ARFGEF3: variants seen among roughly 807,000 people sequenced by gnomAD.
ARFGEF3 encodes the protein brefeldin A-inhibited guanine nucleotide-exchange protein 3.
Under a neutral mutation model 221.7 loss-of-function variants are expected in ARFGEF3, and 96 were observed. The ratio of observed to expected loss-of-function variants is 0.43; its 90% confidence interval spans 0.37 to 0.51. The LOEUF (loss-of-function observed/expected upper bound fraction) is 0.51. Among genes scored for constraint, ARFGEF3 ranks in the 20% least tolerant of loss-of-function variants. The pLI, the probability that ARFGEF3 is intolerant of heterozygous loss-of-function variation, is 0.00. For missense variants in ARFGEF3, 2,410 were observed against 2,789.9 expected, an observed-to-expected ratio of 0.86 and a Z score of 3.07; for synonymous variants, 1,145 against 1,126.8, an observed-to-expected ratio of 1.02 and a Z score of -0.32.
intron 4 of ARFGEF3, chr6:138,216,495 GA>G (rs1354577815): frequency 6.6e-6 from 1 of 152,196 alleles, no homozygotes; most frequent in African/African-American, 2.4e-5. Context: ...GACAAAGGAA[GA>G]AAGACTGTTT....
intron 2 of ARFGEF3, among the ~76,000 whole-genome samples, chr6:138,191,519 T>A (rs1263007300): frequency 1.3e-5 from 2 of 152,082 alleles, no homozygotes; most frequent in Non-Finnish European, 2.9e-5. Context: ...TCGCTGGCTG[T>A]GGGGGTTTCT....
chr6:138,166,754 A>G (rs1776731178), intron 1 of ARFGEF3, among the ~76,000 whole-genome samples: 1 of 152,180 alleles, frequency 6.6e-6, no homozygotes, highest in South Asian at 2.1e-4. Flanking sequence ...TTTTATATCT[A>G]TCAGGGGCCT....
At chr6:138,214,583 T>G (rs895895030) in intron 4 of ARFGEF3, among the ~76,000 whole-genome samples, 1 of 152,232 alleles carries the variant, frequency 6.6e-6, no homozygotes, top group Non-Finnish European at 1.5e-5. Context: ...CATATTGGTA[T>G]CTGTTAGTGC....
At position 138,268,598 on chromosome 6, in the gene ARFGEF3, A is replaced by G. The variant is rs78338105; in HGVS notation, c.2128+4987A>G. ...CGGGCAAATAAAGTACGTTTTTTAT[A>G]AAGACAGTGCTTGACATGAGCTGCG... On this transcript the variant is annotated intron_variant, in intron 12 of 33. Transcript: ENST00000251691. Among the ~76,000 whole-genome samples, 1,274 of 152,298 alleles carry G rather than the reference A, an allele frequency of 8.4e-3. 25 individuals carry two copies. The highest frequency in any genetic ancestry group is 0.046 in the East Asian group (240 of 5,184).
intron 31 of ARFGEF3, 29 bp from the exon 32 acceptor site, chr6:138,327,992 C>A: frequency 6.5e-7 from 1 of 1,546,298 alleles, no homozygotes; most frequent in South Asian, 1.2e-5. Flanking sequence ...CACTGGAGTT[C>A]TGAAATGTAC....
At position 138,294,003 on chromosome 6, in the gene ARFGEF3, G is replaced by T. The variant is rs756826461; in HGVS notation, c.3379G>T (p.Asp1127Tyr). The T allele has an allele frequency of 6.2e-7, 1 of 1,613,408 alleles. No homozygotes were observed. The highest frequency in any genetic ancestry group is 8.5e-7 in the Non-Finnish European group (1 of 1,179,794). The change falls in exon 20 of 34, where the codon GAT becomes TAT. Residue 1127 changes from aspartate to tyrosine, a missense_variant. By Grantham distance (160) the Asp-to-Tyr change is radical. This residue lies in a region of ARFGEF3 where 184 missense variants were observed against 141.8 expected (regional missense o/e 1.30). Coordinates refer to ENST00000251691, the MANE Select transcript of ARFGEF3 (RefSeq NM_020340.5). ...TCTGTTTGCATCCAGGCTCTTTGAA[G>T]ATGCTACGGATAAGTTGAACCTCAT... ...LSTQADRLFEDATDKLNLMAL... is the reference protein window; with the variant it reads ...LSTQADRLFEYATDKLNLMAL...
At chr6:138,305,743 T>A (rs1779711784) in intron 22 of ARFGEF3, among the ~76,000 whole-genome samples, 1 of 152,024 alleles carries the variant, frequency 6.6e-6, no homozygotes, top group African/African-American at 2.4e-5. Context: ...ATTAGTAGAC[T>A]AAAAGATTAA....
chr6:138,233,697 A>G (rs1447607927), intron 5 of ARFGEF3, among the ~76,000 whole-genome samples: 1 of 152,178 alleles, frequency 6.6e-6, no homozygotes, highest in East Asian at 1.9e-4. Flanking sequence ...TTACTCTGAT[A>G]TGATAGCATT....
At chr6:138,322,925 A>G (rs976357386) in intron 29 of ARFGEF3, among the ~76,000 whole-genome samples, 3 of 151,906 alleles carry the variant, frequency 2.0e-5, no homozygotes, top group African/African-American at 7.3e-5. Flanking sequence ...GTGACAGTGA[A>G]GCAAGGACCT....
chr6:138,162,014 C>A lies in ARFGEF3; in HGVS notation c.-73C>A. 2.7e-6 allele frequency: 3 copies of A among 1,115,304 alleles called. No individual in the cohort carries two copies. The highest frequency in any genetic ancestry group is 3.7e-6 in the Non-Finnish European group (3 of 807,552). 69.1% of individuals were successfully genotyped at this position (1,115,304 alleles called of 1,614,324 possible). On this transcript the variant is annotated 5_prime_UTR_variant, in exon 1 of 34. Coordinates refer to ENST00000251691, the MANE Select transcript of ARFGEF3 (RefSeq NM_020340.5). The surrounding 1 kb of genome is among the most constrained non-coding windows in gnomAD (Gnocchi z 4.7). ...CGCCTAGGCGCCCAGGGCCAGGCAG[C>A]GGCGGCTTCCCCGGCCCGGCTCGCC...
At chr6:138,313,999 A>G (rs951419875) in intron 26 of ARFGEF3, 60 bp downstream of exon 26, 16 of 1,559,008 alleles carry the variant, frequency 1.0e-5, no homozygotes, top group Non-Finnish European at 1.3e-5. Context: ...CCAGAAGCTT[A>G]AGTCATAAAT....
intron 23 of ARFGEF3, 82 bp downstream of exon 23, chr6:138,307,479 C>A: frequency 2.8e-5 from 34 of 1,234,028 alleles, no homozygotes; most frequent in Non-Finnish European, 3.6e-5. Flanking sequence ...AAAAATTGAA[C>A]AATAGGGAAG....
chr6:138,323,884 C>A, intron 30 of ARFGEF3, 111 bp downstream of exon 30: 1 of 1,539,718 alleles, frequency 6.5e-7, no homozygotes, highest in Non-Finnish European at 8.9e-7. Flanking sequence ...GGCAGTCTCA[C>A]TTTAGATCTT....
In ARFGEF3 at chr6:138,279,991, C is replaced by A. The variant is rs201081476; in HGVS notation, c.2296-8C>A. ...ATGTGGTCACCTTCTCATGCGATCT[C>A]TCTGTAGAAGGACTTCATGAAGCAG... On this transcript the variant is annotated splice_polypyrimidine_tract_variant and splice_region_variant and intron_variant, in intron 13 of 33. Transcript: ENST00000251691. 5 of 1,613,682 alleles carry A rather than the reference C, an allele frequency of 3.1e-6. No homozygotes were observed. Among genetic ancestry groups the A allele is most frequent in the Non-Finnish European group, 4.2e-6 (5 of 1,179,822 alleles).
chr6:138,307,228 G>A (rs1215691413), intron 22 of ARFGEF3, 25 bp from the exon 23 acceptor site: 5 of 1,610,420 alleles, frequency 3.1e-6, no homozygotes, highest in Non-Finnish European at 4.2e-6. Flanking sequence ...AGGGCTTTAA[G>A]TGCCACTTGC....
intron 4 of ARFGEF3, among the ~76,000 whole-genome samples, chr6:138,213,307 T>A (rs1355170808): frequency 2.8e-5 from 4 of 145,238 alleles, no homozygotes; most frequent in East Asian, 4.0e-4. Flanking sequence ...AAAAAAAAAA[T>A]TTAGCAGGGC....
chr6:138,275,514 G>T (rs962344088), intron 12 of ARFGEF3, among the ~76,000 whole-genome samples: 6 of 152,126 alleles, frequency 3.9e-5, no homozygotes, highest in Admixed American at 2.6e-4. Flanking sequence ...ACTTTGGGAG[G>T]CTGAGGCAGG....
chr6:138,275,123 TAAATA>T (rs1229650091), intron 12 of ARFGEF3, among the ~76,000 whole-genome samples: 5 of 151,610 alleles, frequency 3.3e-5, no homozygotes, highest in Non-Finnish European at 7.4e-5. Context: ...AAATAATAAA[TAAATA>T]AAATAAATTT....
At chr6:138,170,633 AT>A in intron 1 of ARFGEF3, 28 bp from the exon 2 acceptor site, 1 of 1,312,008 alleles carries the variant, frequency 7.6e-7, no homozygotes, top group South Asian at 1.2e-5. Flanking sequence ...TTAAATATTT[AT>A]TTTAACTTTG....
Sources: allele counts gnomAD v4.1 joint callset (sites outside exome capture counted in the v4.1 genomes callset), GRCh38; gene constraint gnomAD v4.1.1; regional missense constraint gnomAD v4.1.1; non-coding constraint Gnocchi (gnomAD v3.1); transcripts MANE v1.5; gene names NCBI Gene and HGNC (gene_info 2026-07-23, HGNC 2026-07-21).